The following ZNF638 variants were observed in gnomAD, a reference collection of about 807,000 sequenced individuals.
ZNF638 encodes CTCL tumor antigen se33-1.
A neutral mutation model predicts 195.6 loss-of-function variants in ZNF638; 46 were observed. The ratio of observed to expected loss-of-function variants is 0.24; its 90% CI spans 0.19 to 0.30. ZNF638 has a LOEUF of 0.30. ZNF638 is among the 10% of genes least tolerant of loss of function. The probability of loss-of-function intolerance (pLI) is 1.00; values close to 1 mark genes in which losing one functional copy is unlikely to be tolerated. For missense variants in ZNF638, 2,440 were observed against 2,325.3 expected (o/e 1.05, Z -1.01); for synonymous variants, 845 against 772.0 (o/e 1.09, Z -1.57).
Position 71,403,898 on chromosome 2 carries a change from C to T in ZNF638, c.2858C>T (p.Ala953Val). Residue 953 changes from alanine (A) to valine (V), a missense_variant, in exon 17 of 28, where the codon GCT (alanine) becomes GTT (valine). Ala to Val is a moderately conservative substitution (Grantham distance 64). This residue lies in a region of ZNF638 where 1,883 missense variants were observed against 1,739.1 expected (regional missense o/e 1.08). Transcript: ENST00000264447. The stretch of plus-strand genomic sequence containing the variant: ...TATATAGAAATAAATAGAAAAGCTG[C>T]TGAGTCTATGGTAAAATTTTATACC... ...KAYIEINRKAAESMVKFYTCF... is the reference protein window; with the variant it reads ...KAYIEINRKAVESMVKFYTCF... 6.3e-7 allele frequency: 1 copy of T among 1,591,858 alleles called. No individual in the cohort carries two copies. Among genetic ancestry groups the T allele is most frequent in the Non-Finnish European group, 8.6e-7 (1 of 1,162,842 alleles).
chr2:71,393,699 CG>C, intron 10 of ZNF638: 1 of 695,804 alleles, frequency 1.4e-6, no homozygotes, highest in East Asian at 2.7e-5. Flanking sequence ...CCCTGCAACC[CG>C]TACCGGCTAC....
At chr2:71,422,716 T>A in intron 21 of ZNF638, 98 bp from the exon 22 acceptor site, 1 of 1,260,238 alleles carries the variant, frequency 7.9e-7, no homozygotes. Context: ...ACAATTGGCA[T>A]CAGCAGGATT....
intron 1 of ZNF638, among the ~76,000 whole-genome samples, chr2:71,340,327 G>T (rs377107726): frequency 6.6e-6 from 1 of 152,208 alleles, no homozygotes; most frequent in Non-Finnish European, 1.5e-5. Context: ...TTACTTGCAT[G>T]CCTTTTGTGA....
At chr2:71,352,243 C>T (rs1206931197) in intron 2 of ZNF638, among the ~76,000 whole-genome samples, 6 of 151,782 alleles carry the variant, frequency 4.0e-5, no homozygotes, top group Non-Finnish European at 7.4e-5. Flanking sequence ...TTTGGGAGGC[C>T]GAGACAGGTG....
intron 2 of ZNF638, among the ~76,000 whole-genome samples, chr2:71,354,577 A>G (rs1270251065): frequency 1.3e-5 from 2 of 152,094 alleles, no homozygotes; most frequent in African/African-American, 4.8e-5. Context: ...CTCTATTAAA[A>G]ATACAAAAAT....
intron 8 of ZNF638, among the ~76,000 whole-genome samples, chr2:71,372,245 A>G (rs1244657567): frequency 2.0e-5 from 3 of 152,004 alleles, no homozygotes; most frequent in Non-Finnish European, 4.4e-5. Flanking sequence ...GTCCTAGACT[A>G]CCTTTCAGGT....
At position 71,403,452 on chromosome 2, in the gene ZNF638, C is replaced by T. The variant is rs368440486; in HGVS notation, c.2830-418C>T. Among the ~76,000 whole-genome samples, 7 of 152,010 alleles carry T rather than the reference C, an allele frequency of 4.6e-5. No individual in the cohort carries two copies. In the South Asian group the frequency reaches 1.0e-3, roughly 22 times the overall value. ...GAAAAATGACTTCACAATTGTTACA[C>T]GTTTCTTTGGTTTTTTCATGTCTCA... On this transcript the variant is annotated intron_variant, in intron 16 of 27. Coordinates refer to ENST00000264447, the MANE Select transcript of ZNF638 (RefSeq NM_014497.5).
chr2:71,383,135 C>T (rs1462130194), intron 10 of ZNF638, among the ~76,000 whole-genome samples: 1 of 152,084 alleles, frequency 6.6e-6, no homozygotes, highest in Non-Finnish European at 1.5e-5. Flanking sequence ...CCAGCCTGGC[C>T]AACATGGTGA....
intron 12 of ZNF638, 76 bp downstream of exon 12, chr2:71,398,848 A>G: frequency 1.1e-5 from 14 of 1,292,886 alleles, no homozygotes; most frequent in Non-Finnish European, 1.5e-5. Context: ...AATTTTTAGC[A>G]TCTAATACTT....
intron 1 of ZNF638, among the ~76,000 whole-genome samples, chr2:71,347,106 T>G (rs2078863294): frequency 6.6e-6 from 1 of 152,120 alleles, no homozygotes; most frequent in Non-Finnish European, 1.5e-5. Flanking sequence ...GGGGGTGACC[T>G]TGAAGGATGA....
chr2:71,343,041 G>A (rs1293870483), intron 1 of ZNF638, among the ~76,000 whole-genome samples: 3 of 152,118 alleles, frequency 2.0e-5, no homozygotes, highest in Non-Finnish European at 2.9e-5. Context: ...GTAAGACATT[G>A]TTATTTGAAA....
At chr2:71,429,285 ATCT>A (rs1487376713) in intron 25 of ZNF638, among the ~76,000 whole-genome samples, 2 of 152,106 alleles carry the variant, frequency 1.3e-5, no homozygotes, top group African/African-American at 2.4e-5. Flanking sequence ...TTCCTATCCT[ATCT>A]TCTTTAAGGA....
In ZNF638 at chr2:71,395,683, A is replaced by G. The variant is rs576418933; in HGVS notation, c.2378-458A>G. ...GTACTGAATAAATACAAGCGGCTCC[A>G]GCTTATCAGGGCTGCATTCTCTCTT... On this transcript the variant is annotated intron_variant, in intron 10 of 27. Coordinates refer to ENST00000264447, the MANE Select transcript of ZNF638 (RefSeq NM_014497.5). 142 of 479,874 alleles carry G rather than the reference A, an allele frequency of 3.0e-4. 1 individual carries two copies. The highest frequency in any genetic ancestry group is 2.7e-3 in the African/African-American group (139 of 51,072). 29.7% of individuals were successfully genotyped at this position (479,874 alleles called of 1,614,324 possible). A position where few individuals can be genotyped will look rare whatever the true frequency, so the allele number is the denominator to read the frequency against.
In ZNF638 at chr2:71,347,835, C is replaced by T. The variant is rs1202878916; in HGVS notation, c.-202-918C>T. 6.6e-5 allele frequency among the ~76,000 whole-genome samples: 10 copies of T among 152,216 alleles called. 1 individual carries two copies. On this transcript the variant is annotated intron_variant, in intron 1 of 27. Coordinates refer to ENST00000264447, the MANE Select transcript of ZNF638 (RefSeq NM_014497.5). ...ACTCACATCTGTTAATGGTTAAGAG[C>T]ACAGATTACTGGACCAGATAACCTT... is the stretch of plus-strand genomic sequence containing the variant.
chr2:71,370,611 GT>G (rs776661840), intron 8 of ZNF638, among the ~76,000 whole-genome samples: 2 of 151,966 alleles, frequency 1.3e-5, no homozygotes, highest in Non-Finnish European at 2.9e-5. Flanking sequence ...CACCTGTAAG[GT>G]TTTCTTTGTG....
chr2:71,400,540 A>C lies in ZNF638; in HGVS notation c.2697+22A>C, dbSNP rs371182899. On this transcript the variant is annotated intron_variant, in intron 15 of 27. Coordinates refer to ENST00000264447, the MANE Select transcript of ZNF638 (RefSeq NM_014497.5). Reference sequence around the variant, plus strand: ...CAAGGTCAGTTTTCATGTTTTATTTATTTCTTTAAAGCTCAAGACATTTTA... The same window carrying C: ...CAAGGTCAGTTTTCATGTTTTATTTCTTTCTTTAAAGCTCAAGACATTTTA... 26 of 1,584,668 alleles carry C rather than the reference A, an allele frequency of 1.6e-5. No homozygotes were observed. The African/African-American group carries it at 2.9e-4, about 17-fold the overall frequency.
At chr2:71,394,576 T>C (rs975034223) in intron 10 of ZNF638, among the ~76,000 whole-genome samples, 5 of 152,186 alleles carry the variant, frequency 3.3e-5, no homozygotes, top group Non-Finnish European at 7.3e-5. Flanking sequence ...ACTAGTATTA[T>C]GGTATTAAGG....
chr2:71,405,824 G>A (rs1242229861), intron 18 of ZNF638, among the ~76,000 whole-genome samples, 182 bp downstream of exon 18: 3 of 152,090 alleles, frequency 2.0e-5, no homozygotes, highest in Admixed American at 1.3e-4. Flanking sequence ...TACTTGATGC[G>A]AAAAAATTTT....
At chr2:71,388,804 C>T in intron 10 of ZNF638, 9 of 779,504 alleles carry the variant, frequency 1.2e-5, no homozygotes, top group Non-Finnish European at 1.8e-5. Context: ...CAACAGCTGT[C>T]CGCACAACAG....
Sources: gnomAD v4.1 joint callset for allele counts (sites outside exome capture counted in the v4.1 genomes callset) on GRCh38, gnomAD v4.1.1 for gene constraint, gnomAD v4.1.1 regional missense constraint, MANE v1.5 for transcripts, NCBI Gene and HGNC (gene_info 2026-07-23, HGNC 2026-07-21) for gene names.